Variants in ERBIN observed in about 807,000 individuals in gnomAD.
ERBIN encodes the protein densin-180-like protein.
A neutral mutation model predicts 158.4 loss-of-function variants in ERBIN; 60 were observed. The ratio of observed to expected loss-of-function variants is 0.38; its 90% CI spans 0.31 to 0.47. The LOEUF (loss-of-function observed/expected upper bound fraction) is 0.47, where lower values mean the gene tolerates loss of function less well. ERBIN is among the 20% of genes least tolerant of loss of function. The pLI is 0.99. For synonymous variants in ERBIN, 594 were observed against 557.2 expected, an observed-to-expected ratio of 1.07 and a Z score of -0.93; for missense variants, 1,610 against 1,648.0, an observed-to-expected ratio of 0.98 and a Z score of 0.40.
At chr5:66,056,954 G>C (rs374682429) in intron 21 of ERBIN, among the ~76,000 whole-genome samples, 36 of 152,198 alleles carry the variant, frequency 2.4e-4, no homozygotes, top group African/African-American at 7.9e-4. Flanking sequence ...TATTCTCCAT[G>C]TCTTTCTTAA....
intron 1 of ERBIN, among the ~76,000 whole-genome samples, chr5:65,980,436 C>G (rs1750529649): frequency 6.6e-6 from 1 of 151,804 alleles, no homozygotes; most frequent in African/African-American, 2.4e-5. Context: ...TCAAAAAAAA[C>G]AAAAACAAAG....
chr5:66,009,354 T>C (rs1753958416), intron 4 of ERBIN, among the ~76,000 whole-genome samples: 1 of 152,346 alleles, frequency 6.6e-6, no homozygotes, highest in South Asian at 2.1e-4. Context: ...AAGTATTTTG[T>C]ATGTAAATGA....
chr5:66,025,704 C>A, intron 11 of ERBIN, 144 bp from the exon 12 acceptor site: 2 of 850,492 alleles, frequency 2.4e-6, no homozygotes, highest in Non-Finnish European at 3.6e-6. Flanking sequence ...GATAGACAAA[C>A]CTACTTATTG....
At chr5:66,047,554 T>C (rs912697301) in intron 18 of ERBIN, among the ~76,000 whole-genome samples, 4 of 152,056 alleles carry the variant, frequency 2.6e-5, no homozygotes, top group African/African-American at 9.7e-5. Flanking sequence ...AACTTTTTAA[T>C]ATGAATATCT....
chr5:66,003,309 T>G (rs1030520729), intron 4 of ERBIN, among the ~76,000 whole-genome samples: 1 of 152,104 alleles, frequency 6.6e-6, no homozygotes, highest in African/African-American at 2.4e-5. Flanking sequence ...TACTTCATGG[T>G]GAGCAAAAAC....
At chr5:65,988,030 T>A (rs945028147) in intron 1 of ERBIN, among the ~76,000 whole-genome samples, 1 of 152,168 alleles carries the variant, frequency 6.6e-6, no homozygotes, top group African/African-American at 2.4e-5. Flanking sequence ...ATTTATATAA[T>A]GAGGGCTCTC....
chr5:66,009,888 C>T (rs1189291540), intron 4 of ERBIN, among the ~76,000 whole-genome samples: 1 of 151,956 alleles, frequency 6.6e-6, no homozygotes, highest in African/African-American at 2.4e-5. Flanking sequence ...AATAAATTAC[C>T]AAAATCAATG....
In ERBIN at chr5:66,072,296, G is replaced by A; in HGVS notation, c.3756+5G>A. Reference sequence around the variant, plus strand: ...CCTCCAGACAGCTTGATGAAAGTGGGTGCTCGGGAAAACAAAATGTAGTAT... The same window carrying A: ...CCTCCAGACAGCTTGATGAAAGTGGATGCTCGGGAAAACAAAATGTAGTAT... On this transcript the variant is annotated splice_donor_5th_base_variant and intron_variant, in intron 22 of 25. Transcript: ENST00000284037. 6.5e-6 allele frequency: 10 copies of A among 1,549,612 alleles called. No homozygotes were observed. The highest frequency in any genetic ancestry group is 8.7e-6 in the Non-Finnish European group (10 of 1,146,600).
intron 2 of ERBIN, among the ~76,000 whole-genome samples, chr5:65,989,161 T>C (rs1003782254): frequency 2.0e-5 from 3 of 152,226 alleles, no homozygotes; most frequent in Non-Finnish European, 4.4e-5. Flanking sequence ...ATCAATTCAG[T>C]TCTGATCAGG....
intron 8 of ERBIN, 73 bp from the exon 9 acceptor site, chr5:66,023,217 G>T: frequency 1.9e-6 from 2 of 1,051,034 alleles, no homozygotes. Flanking sequence ...AATTCCCAGG[G>T]CTTCTTTTGC....
intron 1 of ERBIN, among the ~76,000 whole-genome samples, chr5:65,956,293 A>AGCAT (rs1323711435): frequency 4.0e-5 from 6 of 151,634 alleles, no homozygotes; most frequent in Non-Finnish European, 5.9e-5. Context: ...ATGCCCATAT[A>AGCAT]GCATGCATGC....
chr5:65,998,793 G>T (rs1752711896), intron 4 of ERBIN, among the ~76,000 whole-genome samples: 3 of 151,500 alleles, frequency 2.0e-5, no homozygotes, highest in Admixed American at 6.6e-5. Context: ...ACTACTTCAG[G>T]CTGTTGTGGG....
chr5:66,054,595 T>G lies in ERBIN; in HGVS notation c.3277T>G (p.Ser1093Ala). ...CTCTGTAAATCTTGGTGATCCAGGC[T>G]CTACAAGGCGGGCTCAGATTCCTGA... The part of the protein sequence containing the change: ...TASVNLGDPG[S>A]TRRAQIPEGD... Residue 1093 changes from serine to alanine, a missense_variant, in exon 21 of 26, where the codon TCT (serine) becomes GCT (alanine). Around this residue, in one of 2 missense-constraint regions of ERBIN, gnomAD observed 1,014 missense variants for 936.1 expected, o/e 1.08. Transcript: ENST00000284037. 6.2e-7 allele frequency: 1 copy of G among 1,614,116 alleles called. No homozygotes were observed. Among genetic ancestry groups the G allele is most frequent in the Non-Finnish European group, 8.5e-7 (1 of 1,180,010 alleles).
At chr5:65,971,749 G>A (rs573648971) in intron 1 of ERBIN, among the ~76,000 whole-genome samples, 32 of 152,322 alleles carry the variant, frequency 2.1e-4, no homozygotes, top group African/African-American at 7.2e-4. Flanking sequence ...AGATGTTACA[G>A]TTCCGCTAAA....
chr5:66,056,271 T>C (rs1337546073), intron 21 of ERBIN, among the ~76,000 whole-genome samples: 1 of 152,214 alleles, frequency 6.6e-6, no homozygotes, highest in African/African-American at 2.4e-5. Context: ...AGTTTACTTC[T>C]GATTGAATAT....
At chr5:66,001,082 T>G (rs914483104) in intron 4 of ERBIN, among the ~76,000 whole-genome samples, 2 of 152,146 alleles carry the variant, frequency 1.3e-5, no homozygotes, top group Non-Finnish European at 2.9e-5. Context: ...AATTTGAATT[T>G]TGTTGCATTT....
chr5:65,981,017 C>A (rs1381291500), intron 1 of ERBIN, among the ~76,000 whole-genome samples: 1 of 152,180 alleles, frequency 6.6e-6, no homozygotes, highest in Non-Finnish European at 1.5e-5. Context: ...ACACGTGGAA[C>A]CTCTCACTAA....
At chr5:65,990,549 T>G (rs1001840462) in intron 2 of ERBIN, among the ~76,000 whole-genome samples, 28 of 145,646 alleles carry the variant, frequency 1.9e-4, no homozygotes, top group South Asian at 4.2e-4. Context: ...GGGCAGCTAC[T>G]CGGGAGGCTG....
intron 9 of ERBIN, 93 bp from the exon 10 acceptor site, chr5:66,024,213 T>C (rs1755999919): frequency 1.2e-6 from 1 of 860,548 alleles, no homozygotes; most frequent in Non-Finnish European, 1.7e-6. Flanking sequence ...GCATTTAATT[T>C]TGAATTAAAA....
Sources: gnomAD v4.1 joint callset for allele counts (sites outside exome capture counted in the v4.1 genomes callset) on GRCh38, gnomAD v4.1.1 for gene constraint, gnomAD v4.1.1 regional missense constraint, MANE v1.5 for transcripts, NCBI Gene and HGNC (gene_info 2026-07-23, HGNC 2026-07-21) for gene names.